CCDC178: variants seen among roughly 807,000 people sequenced by gnomAD.
The protein encoded by CCDC178 is coiled-coil domain containing 178.
CCDC178 carries 126 observed loss-of-function variants against 117.4 expected under a neutral mutation model. The observed-to-expected ratio is 1.07, with a 90% CI of 0.93 to 1.24. The LOEUF is 1.24. CCDC178 is among the 50% of genes most tolerant of loss of function. CCDC178 has a pLI of 0.00. For missense variants in CCDC178, 1,030 were observed against 986.9 expected, an observed-to-expected ratio of 1.04 and a Z score of -0.59; for synonymous variants, 283 against 313.4, an observed-to-expected ratio of 0.90 and a Z score of 1.02.
At chr18:33,024,193 A>G (rs2056178901) in intron 21 of CCDC178, among the ~76,000 whole-genome samples, 1 of 152,254 alleles carries the variant, frequency 6.6e-6, no homozygotes, top group South Asian at 2.1e-4. Context: ...CCAGTTATAT[A>G]CATTCTCTGT....
At chr18:33,161,345 A>G (rs77008984) in intron 20 of CCDC178, among the ~76,000 whole-genome samples, 2 of 152,206 alleles carry the variant, frequency 1.3e-5, no homozygotes, top group East Asian at 1.9e-4. Context: ...ACCGAGACTA[A>G]TGAAAACTAC....
At chr18:33,075,193 C>T (rs907640729) in intron 21 of CCDC178, among the ~76,000 whole-genome samples, 3 of 152,098 alleles carry the variant, frequency 2.0e-5, no homozygotes, top group African/African-American at 7.2e-5. Context: ...CCTTCCACTC[C>T]CCTAGTATCA....
intron 20 of CCDC178, among the ~76,000 whole-genome samples, chr18:33,201,800 C>T (rs548042500): frequency 2.6e-5 from 4 of 152,296 alleles, no homozygotes; most frequent in Admixed American, 6.5e-5. Flanking sequence ...TTCCAGTCTC[C>T]CTCTAGTGCC....
rs762770341 is a variant in CCDC178 at position 33,038,873 on chromosome 18, G to C, written c.2388+53888C>G. Among the ~76,000 whole-genome samples the C allele has an allele frequency of 4.6e-4, 70 of 152,012 alleles. 1 individual carries two copies. The highest frequency in any genetic ancestry group is 3.0e-3 in the Admixed American group (45 of 15,222). Reference sequence around the variant, plus strand: ...AAAACTCCCTTAATCCTCAACATATGCCAAAGGACTCCCATCAATTTAGTT... The same window carrying C: ...AAAACTCCCTTAATCCTCAACATATCCCAAAGGACTCCCATCAATTTAGTT... On this transcript the variant is annotated intron_variant, in intron 21 of 22. Transcript: ENST00000383096.
intron 15 of CCDC178, among the ~76,000 whole-genome samples, chr18:33,243,995 C>A (rs991624305): frequency 2.6e-5 from 4 of 151,930 alleles, no homozygotes; most frequent in African/African-American, 9.7e-5. Context: ...TTAATTTATT[C>A]TATGCATGCT....
intron 14 of CCDC178, among the ~76,000 whole-genome samples, chr18:33,262,241 T>G (rs947161209): frequency 6.6e-6 from 1 of 152,180 alleles, no homozygotes; most frequent in Admixed American, 6.6e-5. Context: ...TACTTCTGCA[T>G]TTTACATCTA....
At chr18:33,105,689 A>G (rs1331713626) in intron 20 of CCDC178, among the ~76,000 whole-genome samples, 1 of 151,664 alleles carries the variant, frequency 6.6e-6, no homozygotes, top group East Asian at 1.9e-4. Context: ...ACTGAGAAAA[A>G]TAATAAGGTT....
intron 11 of CCDC178, among the ~76,000 whole-genome samples, chr18:33,315,273 G>C (rs939875131): frequency 6.6e-6 from 1 of 152,134 alleles, no homozygotes; most frequent in Non-Finnish European, 1.5e-5. Flanking sequence ...GGTGAGGTAC[G>C]TGTGGTCACC....
intron 20 of CCDC178, among the ~76,000 whole-genome samples, chr18:33,183,290 C>T (rs1013179994): frequency 2.6e-5 from 4 of 151,916 alleles, no homozygotes; most frequent in Non-Finnish European, 4.4e-5. Flanking sequence ...AGTTGTTGCG[C>T]CAAGATGCCT....
intron 21 of CCDC178, among the ~76,000 whole-genome samples, chr18:33,060,997 T>C (rs2056912188): frequency 6.6e-6 from 1 of 152,136 alleles, no homozygotes; most frequent in Admixed American, 6.5e-5. Flanking sequence ...TCATAATTTG[T>C]TATAATCTAA....
intron 21 of CCDC178, among the ~76,000 whole-genome samples, chr18:32,980,843 T>G (rs1598751208): frequency 6.6e-6 from 1 of 152,328 alleles, no homozygotes; most frequent in South Asian, 2.1e-4. Flanking sequence ...TGTTCAAATT[T>G]GTGTATAATT....
At chr18:33,228,527 A>G (rs1332875468) in intron 15 of CCDC178, among the ~76,000 whole-genome samples, 1 of 152,232 alleles carries the variant, frequency 6.6e-6, no homozygotes, top group Admixed American at 6.5e-5. Flanking sequence ...CTCTGAAAAG[A>G]AGAAAGATAC....
At chr18:33,237,422 G>A (rs747708048) in intron 15 of CCDC178, among the ~76,000 whole-genome samples, 44 of 152,146 alleles carry the variant, frequency 2.9e-4, no homozygotes, top group Non-Finnish European at 5.3e-4. Flanking sequence ...CCCTAGGCCA[G>A]CCAAGAAACC....
chr18:33,348,772 C>T lies in CCDC178; in HGVS notation c.457+118G>A, dbSNP rs2062930398. 3 of 672,004 alleles carry T rather than the reference C, an allele frequency of 4.5e-6. No homozygotes were observed. In the East Asian group the frequency reaches 8.5e-5, roughly 19 times the overall value. The allele number at this position is 672,004 out of a possible 1,614,324, so 41.6% of individuals were successfully genotyped here. On this transcript the variant is annotated intron_variant, in intron 8 of 22. Coordinates refer to ENST00000383096, the MANE Select transcript of CCDC178 (RefSeq NM_001105528.4). ...ATAGAGGACTATTTTGTCTATTAAA[C>T]ATTCATAATAATTATAAAATTCTTA... is the stretch of plus-strand genomic sequence containing the variant.
intron 3 of CCDC178, among the ~76,000 whole-genome samples, chr18:33,406,042 C>T (rs1370763232): frequency 1.3e-5 from 2 of 151,880 alleles, no homozygotes; most frequent in African/African-American, 2.4e-5. Flanking sequence ...TTTGGTATTG[C>T]TCATAATAAA....
intron 11 of CCDC178, among the ~76,000 whole-genome samples, chr18:33,310,644 A>C (rs144520756): frequency 1.2e-4 from 18 of 152,236 alleles, no homozygotes; most frequent in African/African-American, 4.1e-4. Context: ...TGAGATTGCA[A>C]CACTGAATTC....
At chr18:33,334,587 G>A (rs1309095135) in intron 9 of CCDC178, among the ~76,000 whole-genome samples, 1 of 151,896 alleles carries the variant, frequency 6.6e-6, no homozygotes, top group African/African-American at 2.4e-5. Context: ...ATTTCTTGAT[G>A]GAATTTGCTG....
chr18:33,351,493 G>A (rs535622369), intron 7 of CCDC178, among the ~76,000 whole-genome samples: 9 of 151,102 alleles, frequency 6.0e-5, no homozygotes, highest in Admixed American at 1.3e-4. Flanking sequence ...GTGCCCGGCC[G>A]TATAATTATA....
At chr18:33,193,282 A>C (rs1051277780) in intron 20 of CCDC178, among the ~76,000 whole-genome samples, 20 of 151,026 alleles carry the variant, frequency 1.3e-4, no homozygotes, top group South Asian at 2.1e-4. Context: ...AAAAAAAAAA[A>C]AAAAAAAAAA....
Sources: gnomAD v4.1 joint callset for allele counts (sites outside exome capture counted in the v4.1 genomes callset) on GRCh38, gnomAD v4.1.1 for gene constraint, MANE v1.5 for transcripts, NCBI Gene and HGNC (gene_info 2026-07-23, HGNC 2026-07-21) for gene names.